The following DNAH11 variants were observed in gnomAD, a reference collection of about 807,000 sequenced individuals.
The protein encoded by DNAH11 is dynein axonemal heavy chain 11.
A neutral mutation model predicts 526.0 loss-of-function variants in DNAH11; 442 were observed. That is an observed-to-expected ratio of 0.84 (90% CI 0.78 to 0.91). DNAH11 has a LOEUF of 0.91. DNAH11 is among the 40% of genes least tolerant of loss of function. The pLI is 0.00. For synonymous variants in DNAH11, 2,461 were observed against 1,935.9 expected, an observed-to-expected ratio of 1.27 and a Z score of -7.12; for missense variants, 6,989 against 5,448.7, an observed-to-expected ratio of 1.28 and a Z score of -8.90.
intron 61 of DNAH11, among the ~76,000 whole-genome samples, chr7:21,789,808 T>TCTTTCTTCTTTCTTTCTTCTTTC: frequency 2.9e-5 from 1 of 34,084 alleles, no homozygotes; most frequent in African/African-American, 7.9e-5. Context: ...TTTCTTTCTT[T>TCTTTCTTCTTTCTTTCTTCTTTC]TTTCTTTCTT....
chr7:21,613,791 G>T (rs1472120097), intron 20 of DNAH11, among the ~76,000 whole-genome samples: 4 of 152,080 alleles, frequency 2.6e-5, no homozygotes, highest in Admixed American at 2.0e-4. Context: ...TTGAGACAGG[G>T]TCTCACTCTG....
chr7:21,563,977 C>T (rs1321019809), intron 5 of DNAH11, among the ~76,000 whole-genome samples: 3 of 152,138 alleles, frequency 2.0e-5, no homozygotes, highest in Non-Finnish European at 4.4e-5. Context: ...GATCAGTGCT[C>T]TCCCAGATGA....
intron 65 of DNAH11, among the ~76,000 whole-genome samples, chr7:21,829,330 AT>A (rs1473216986): frequency 5.3e-5 from 8 of 152,096 alleles, no homozygotes; most frequent in African/African-American, 1.9e-4. Context: ...AGCCTCCAGA[AT>A]GGAATTTCTC....
chr7:21,815,803 A>G (rs1789760023), intron 63 of DNAH11, among the ~76,000 whole-genome samples: 1 of 152,140 alleles, frequency 6.6e-6, no homozygotes, highest in South Asian at 2.1e-4. Context: ...CAATTTTTAT[A>G]AAGAAGTATC....
intron 62 of DNAH11, among the ~76,000 whole-genome samples, chr7:21,802,273 A>G (rs1789028599): frequency 1.3e-5 from 2 of 152,190 alleles, no homozygotes; most frequent in Non-Finnish European, 2.9e-5. Context: ...TGCAAATTAA[A>G]ACCACAACAA....
intron 49 of DNAH11, among the ~76,000 whole-genome samples, chr7:21,744,110 G>C (rs561372455): frequency 6.6e-6 from 1 of 152,262 alleles, no homozygotes; most frequent in Admixed American, 6.5e-5. Flanking sequence ...TGACTTTCAT[G>C]TTAGCTGTTT....
intron 9 of DNAH11, among the ~76,000 whole-genome samples, 179 bp downstream of exon 9, chr7:21,582,200 T>C (rs1784335896): frequency 6.6e-6 from 1 of 152,220 alleles, no homozygotes; most frequent in Non-Finnish European, 1.5e-5. Context: ...AATGACACTT[T>C]GGACAAGATT....
At chr7:21,702,668 C>T in intron 36 of DNAH11, 42 bp from the exon 37 acceptor site, 1 of 1,544,890 alleles carries the variant, frequency 6.5e-7, no homozygotes, top group Non-Finnish European at 8.9e-7. Context: ...AATCTTCTTC[C>T]CTCATACAAT....
intron 25 of DNAH11, among the ~76,000 whole-genome samples, chr7:21,625,394 C>G (rs146766761): frequency 7.9e-5 from 12 of 152,138 alleles, no homozygotes; most frequent in African/African-American, 2.2e-4. Flanking sequence ...TGAGTTATCT[C>G]CCTTCTTTCC....
chr7:21,900,673 C>T lies in DNAH11; in HGVS notation c.13304-334C>T, dbSNP rs575743763. Among the ~76,000 whole-genome samples the T allele has an allele frequency of 2.5e-4, 38 of 152,178 alleles. No homozygotes were observed. The South Asian group carries it at 2.7e-3, about 11-fold the overall frequency. On this transcript the variant is annotated intron_variant, in intron 81 of 81. Transcript: ENST00000409508. ...AGTTCTGGTGTAAAAGAATAAGGTG[C>T]GACGGGGAGGAAATGTGGTGAACTG...
At chr7:21,690,928 C>A in intron 35 of DNAH11, 47 bp downstream of exon 35, 1 of 1,396,950 alleles carries the variant, frequency 7.2e-7, no homozygotes, top group Non-Finnish European at 1.0e-6. Flanking sequence ...CTCATGCCAC[C>A]TAATGTTGTT....
intron 64 of DNAH11, among the ~76,000 whole-genome samples, chr7:21,817,435 C>T (rs1322518569): frequency 1.3e-5 from 2 of 149,404 alleles, no homozygotes; most frequent in Admixed American, 6.8e-5. Flanking sequence ...AATCCCAGCA[C>T]TTTAGGAGGC....
At chr7:21,880,656 A>T (rs1562600680) in intron 74 of DNAH11, 46 bp from the exon 75 acceptor site, 3 of 1,605,404 alleles carry the variant, frequency 1.9e-6, no homozygotes, top group Non-Finnish European at 2.6e-6. Flanking sequence ...TTGCTCTTGG[A>T]AACCATACAG....
chr7:21,788,257 G>A (rs990180949), intron 60 of DNAH11, among the ~76,000 whole-genome samples: 2 of 152,286 alleles, frequency 1.3e-5, no homozygotes, highest in South Asian at 2.1e-4. Context: ...TTCAAATATG[G>A]AATTACTGAG....
chr7:21,572,849 G>A (rs570117297), intron 8 of DNAH11, among the ~76,000 whole-genome samples: 2 of 152,160 alleles, frequency 1.3e-5, no homozygotes, highest in East Asian at 3.8e-4. Flanking sequence ...ACTACACTTT[G>A]TGAAAAAGTA....
intron 30 of DNAH11, among the ~76,000 whole-genome samples, chr7:21,679,182 A>T (rs922660007): frequency 4.1e-5 from 6 of 147,620 alleles, no homozygotes; most frequent in Admixed American, 1.4e-4. Flanking sequence ...TAAGTGGATT[A>T]AAAAAAAAAA....
rs146864314 is a variant in DNAH11 at position 21,861,621 on chromosome 7, A to G, written c.11203-232A>G. 2.5e-3 allele frequency among the ~76,000 whole-genome samples: 388 copies of G among 152,358 alleles called. 3 individuals carry two copies. The highest frequency in any genetic ancestry group is 8.6e-3 in the African/African-American group (359 of 41,578). On this transcript the variant is annotated intron_variant, in intron 68 of 81. Coordinates refer to ENST00000409508, the MANE Select transcript of DNAH11 (RefSeq NM_001277115.2). ...GAAGGAGAGAAAATGATGCAATTCAATTGCTTGGAAGGAGATTGAATGGAT... is the reference window on the plus strand; with the variant it reads ...GAAGGAGAGAAAATGATGCAATTCAGTTGCTTGGAAGGAGATTGAATGGAT...
intron 45 of DNAH11, among the ~76,000 whole-genome samples, chr7:21,735,234 C>G (rs953966375): frequency 2.6e-5 from 4 of 152,202 alleles, no homozygotes; most frequent in Admixed American, 2.6e-4. Context: ...GGCTTGACTT[C>G]TTGAACATTT....
intron 65 of DNAH11, among the ~76,000 whole-genome samples, chr7:21,826,303 GAA>G (rs1325564625): frequency 2.6e-4 from 39 of 152,100 alleles, no homozygotes; most frequent in African/African-American, 8.9e-4. Flanking sequence ...AGAAAGGAGA[GAA>G]ACTAAAAAGT....
Sources: allele counts gnomAD v4.1 joint callset (sites outside exome capture counted in the v4.1 genomes callset), GRCh38; gene constraint gnomAD v4.1.1; transcripts MANE v1.5; gene names NCBI Gene and HGNC (gene_info 2026-07-23, HGNC 2026-07-21).